The following TENT5C variants were observed in gnomAD, a reference collection of about 807,000 sequenced individuals.
TENT5C encodes terminal nucleotidyltransferase 5C, also known as family with sequence similarity 46 member C.
A neutral mutation model predicts 22.2 loss-of-function variants in TENT5C; 5 were observed. The ratio of observed to expected loss-of-function variants is 0.22; its 90% CI spans 0.12 to 0.47. TENT5C has a LOEUF of 0.47. Ranked by LOEUF, TENT5C falls within the 20% of genes least tolerant of loss-of-function variation. TENT5C has a pLI of 0.99. For synonymous variants in TENT5C, 199 were observed against 195.4 expected (o/e 1.02, Z -0.15); for missense variants, 364 against 500.9 (o/e 0.73, Z 2.61).
chr1:117,624,176 T>C lies in TENT5C; in HGVS notation c.*132T>C. The C allele has an allele frequency of 1.2e-6, 1 of 825,936 alleles. No individual in the cohort carries two copies. The highest frequency in any genetic ancestry group is 1.9e-6 in the Non-Finnish European group (1 of 532,972). 51.2% of individuals were successfully genotyped at this position (825,936 alleles called of 1,614,324 possible). On this transcript the variant is annotated 3_prime_UTR_variant, in exon 2 of 2. Transcript: ENST00000369448. The stretch of plus-strand genomic sequence containing the variant: ...AGCTCTGATTCTGCTTTTTTTTTTT[T>C]TTTTCCTTTGTGTACCCATTGGAAT...
chr1:117,606,838 G>A (rs1653547467), intron 1 of TENT5C, among the ~76,000 whole-genome samples: 1 of 152,234 alleles, frequency 6.6e-6, no homozygotes, highest in South Asian at 2.1e-4. Flanking sequence ...GAGCAGCAAA[G>A]GGATCCAAGC....
intron 1 of TENT5C, among the ~76,000 whole-genome samples, chr1:117,608,616 A>G (rs1653597970): frequency 6.6e-6 from 1 of 152,112 alleles, no homozygotes; most frequent in Admixed American, 6.5e-5. Flanking sequence ...AAATTTAAAA[A>G]CTTCATTTAA....
chr1:117,606,237 GC>G (rs1288077809), intron 1 of TENT5C, 84 bp downstream of exon 1: 1 of 150,492 alleles, frequency 6.6e-6, no homozygotes, highest in Non-Finnish European at 1.5e-5. Context: ...GTGGGGGTCC[GC>G]CCCCACTAAG....
At chr1:117,619,323 C>T (rs187880524) in intron 1 of TENT5C, among the ~76,000 whole-genome samples, 70 of 152,126 alleles carry the variant, frequency 4.6e-4, no homozygotes, top group Admixed American at 1.8e-3. Context: ...AAAAATGATA[C>T]GTTGAGGTTT....
chr1:117,618,943 A>G (rs992055647), intron 1 of TENT5C, among the ~76,000 whole-genome samples: 1 of 152,246 alleles, frequency 6.6e-6, no homozygotes, highest in Non-Finnish European at 1.5e-5. Flanking sequence ...TTTCACAGTC[A>G]TACAGAAAGA....
At chr1:117,611,042 G>A (rs1653661429) in intron 1 of TENT5C, among the ~76,000 whole-genome samples, 1 of 152,166 alleles carries the variant, frequency 6.6e-6, no homozygotes, top group African/African-American at 2.4e-5. Context: ...GATAGAAGAG[G>A]TAACCCTCCA....
chr1:117,611,977 A>G (rs1041743952), intron 1 of TENT5C, among the ~76,000 whole-genome samples: 3 of 152,242 alleles, frequency 2.0e-5, no homozygotes, highest in African/African-American at 7.2e-5. Context: ...TGAGACCTTG[A>G]TATCCAGTAT....
chr1:117,624,247 C>T lies in TENT5C; in HGVS notation c.*203C>T, dbSNP rs1653965272. The T allele has an allele frequency of 1.8e-6, 1 of 565,710 alleles. No homozygotes were observed. Among genetic ancestry groups the T allele is most frequent in the South Asian group, 2.8e-5 (1 of 36,186 alleles). 35.0% of individuals were successfully genotyped at this position (565,710 alleles called of 1,614,324 possible). A position where few individuals can be genotyped will look rare whatever the true frequency, so the allele number is the denominator to read the frequency against. ...GCCAACCCTCAAAGGACCCGTATTACAGTGCCACGTTGGAAAACGCTACAG... is the reference window on the plus strand; with the variant it reads ...GCCAACCCTCAAAGGACCCGTATTATAGTGCCACGTTGGAAAACGCTACAG... On this transcript the variant is annotated 3_prime_UTR_variant, in exon 2 of 2. Coordinates refer to ENST00000369448, the MANE Select transcript of TENT5C (RefSeq NM_017709.4).
chr1:117,613,392 T>C (rs1653708662), intron 1 of TENT5C, among the ~76,000 whole-genome samples: 1 of 152,262 alleles, frequency 6.6e-6, no homozygotes, highest in Non-Finnish European at 1.5e-5. Flanking sequence ...GTTTTGATTC[T>C]GTTTGCTGTT....
rs1653975891 is a variant in TENT5C, at chr1:117,624,850, T to C, written c.*806T>C. ...TAATTGTAAATAGGAAACATGAATG[T>C]TCATTTTTTTCTTTAAAGAATTCTT... On this transcript the variant is annotated 3_prime_UTR_variant, in exon 2 of 2. Coordinates refer to ENST00000369448, the MANE Select transcript of TENT5C (RefSeq NM_017709.4). 4.0e-6 allele frequency: 1 copy of C among 247,674 alleles called. No individual in the cohort carries two copies. Among genetic ancestry groups the C allele is most frequent in the Admixed American group, 5.6e-5 (1 of 17,778 alleles). The allele number at this position is 247,674 out of a possible 1,614,324, so 15.3% of individuals were successfully genotyped here.
At chr1:117,618,531 G>T (rs1417533618) in intron 1 of TENT5C, among the ~76,000 whole-genome samples, 1 of 151,622 alleles carries the variant, frequency 6.6e-6, no homozygotes, top group African/African-American at 2.4e-5. Flanking sequence ...TCTTGGAGGT[G>T]AAGCTTCCAA....
chr1:117,619,661 C>T (rs1395867112), intron 1 of TENT5C, among the ~76,000 whole-genome samples: 1 of 151,950 alleles, frequency 6.6e-6, no homozygotes, highest in East Asian at 1.9e-4. Context: ...GAGTTTCATG[C>T]TTTTACATTC....
At position 117,624,637 on chromosome 1, in the gene TENT5C, C is replaced by A. The variant is rs774465431; in HGVS notation, c.*593C>A. On this transcript the variant is annotated 3_prime_UTR_variant, in exon 2 of 2. Coordinates refer to ENST00000369448, the MANE Select transcript of TENT5C (RefSeq NM_017709.4). The stretch of plus-strand genomic sequence containing the variant: ...AATGTCATTCATCAATAAACCAAAG[C>A]CAATAGCTGGAGAATTGAGATCTGG... 3.2e-5 allele frequency: 8 copies of A among 248,002 alleles called. No homozygotes were observed. The highest frequency in any genetic ancestry group is 5.9e-5 in the Non-Finnish European group (7 of 118,246). The allele number at this position is 248,002 out of a possible 1,614,324, so 15.4% of individuals were successfully genotyped here.
At chr1:117,621,386 A>G (rs528363049) in intron 1 of TENT5C, among the ~76,000 whole-genome samples, 1 of 152,168 alleles carries the variant, frequency 6.6e-6, no homozygotes, top group South Asian at 2.1e-4. Flanking sequence ...CTACTTTTAT[A>G]TTACATTTTA....
chr1:117,624,277 CA>C lies in TENT5C; in HGVS notation c.*234del, dbSNP rs201738348. On this transcript the variant is annotated 3_prime_UTR_variant, in exon 2 of 2. Transcript: ENST00000369448. ...CCACGTTGGAAAACGCTACAGGAAG[CA>C]TGACCTATCCACATCTTTCCAAGAT... 34,316 of 533,334 alleles carry C rather than the reference CA, an allele frequency of 0.064. 1,221 individuals are homozygous for C. Among genetic ancestry groups the C allele is most frequent in the African/African-American group, 0.098 (5,151 of 52,332 alleles). 33.0% of individuals were successfully genotyped at this position (533,334 alleles called of 1,614,324 possible).
In TENT5C at chr1:117,626,437, C is replaced by A. The variant is rs3185894; in HGVS notation, c.*2393C>A. 2.1e-3 allele frequency: 528 copies of A among 247,892 alleles called. 2 individuals are homozygous for A. The highest frequency in any genetic ancestry group is 8.5e-3 in the African/African-American group (384 of 45,430). 15.4% of individuals were successfully genotyped at this position (247,892 alleles called of 1,614,324 possible). ...CCTGACCTTTTTAGTCAGCTCAGATCTTTTTGTAGTTTGAGAATAGACCTA... is the reference window on the plus strand; with the variant it reads ...CCTGACCTTTTTAGTCAGCTCAGATATTTTTGTAGTTTGAGAATAGACCTA... On this transcript the variant is annotated 3_prime_UTR_variant, in exon 2 of 2. Transcript: ENST00000369448.
At chr1:117,611,456 TATA>T (rs2101073548) in intron 1 of TENT5C, among the ~76,000 whole-genome samples, 1 of 152,330 alleles carries the variant, frequency 6.6e-6, no homozygotes, top group East Asian at 1.9e-4. Flanking sequence ...GCTTCTTCAT[TATA>T]ATAAGGACAA....
chr1:117,626,054 C>T lies in TENT5C; in HGVS notation c.*2010C>T, dbSNP rs969155560. 9 of 247,890 alleles carry T rather than the reference C, an allele frequency of 3.6e-5. No homozygotes were observed. The highest frequency in any genetic ancestry group is 6.8e-5 in the Non-Finnish European group (8 of 118,046). 15.4% of individuals were successfully genotyped at this position (247,890 alleles called of 1,614,324 possible). On this transcript the variant is annotated 3_prime_UTR_variant, in exon 2 of 2. Transcript: ENST00000369448. ...TGGAAACTATCTGGTCATTCATGAC[C>T]TTAAAAAGCTGCCATGGTGGTCAAA...
Position 117,627,858 on chromosome 1 carries a change from G to C in TENT5C, c.*3814G>C, listed in dbSNP as rs1156445099. ...GAAATAAAAGACTGTGTGTGTGTGT[G>C]TGTGTGCGTGTGTGTGTTCAAGTGC... On this transcript the variant is annotated 3_prime_UTR_variant, in exon 2 of 2. Transcript: ENST00000369448. The C allele has an allele frequency of 8.1e-6, 2 of 247,872 alleles. No individual in the cohort carries two copies. Among genetic ancestry groups the C allele is most frequent in the Non-Finnish European group, 1.7e-5 (2 of 118,130 alleles). The allele number at this position is 247,872 out of a possible 1,614,324, so 15.4% of individuals were successfully genotyped here.
Sources: allele counts gnomAD v4.1 joint callset (sites outside exome capture counted in the v4.1 genomes callset), GRCh38; gene constraint gnomAD v4.1.1; transcripts MANE v1.5; gene names NCBI Gene and HGNC (gene_info 2026-07-23, HGNC 2026-07-21).